The following GREB1 variants were observed in gnomAD, a reference collection of about 807,000 sequenced individuals.
The protein encoded by GREB1 is protein GREB1.
A neutral mutation model predicts 200.7 loss-of-function variants in GREB1; 106 were observed. That is an observed-to-expected ratio of 0.53 (90% confidence interval 0.45 to 0.62). GREB1 has a LOEUF of 0.62. Ranked by LOEUF, GREB1 falls within the 20% of genes least tolerant of loss-of-function variation. The pLI is 0.00. For missense variants in GREB1, 2,243 were observed against 2,556.8 expected (o/e 0.88, Z 2.65); for synonymous variants, 1,132 against 1,092.4 (o/e 1.04, Z -0.72).
chr2:11,503,650 C>T (rs796655754), intron 1 of GREB1, among the ~76,000 whole-genome samples: 15 of 152,298 alleles, frequency 9.8e-5, no homozygotes, highest in African/African-American at 3.6e-4. Flanking sequence ...CTTCTTTCCT[C>T]ACATTTTTGC....
intron 20 of GREB1, among the ~76,000 whole-genome samples, chr2:11,616,316 C>G (rs977964445): frequency 2.6e-5 from 4 of 152,356 alleles, no homozygotes; most frequent in Admixed American, 2.6e-4. Context: ...CCAGATGCCC[C>G]CCTCTTCCAG....
intron 22 of GREB1, among the ~76,000 whole-genome samples, chr2:11,619,810 A>G (rs547328492): frequency 2.6e-5 from 4 of 152,260 alleles, no homozygotes; most frequent in South Asian, 4.2e-4. Context: ...TCCTTTGTCT[A>G]TCATCTGTAT....
At position 11,598,733 on chromosome 2, in the gene GREB1, G is replaced by A. The variant is rs1438311332; in HGVS notation, c.2206G>A (p.Glu736Lys). Reference sequence around the variant, plus strand: ...AGAGCACATGACGAAGCAGAGGGTGGAACAGTATGTTCTGAAGCTAGACAC... The same window carrying A: ...AGAGCACATGACGAAGCAGAGGGTGAAACAGTATGTTCTGAAGCTAGACAC... ...KKEHMTKQRV[E>K]QYVLKLDTEA... The change falls in exon 15 of 33, where the codon GAA becomes AAA. Residue 736 changes from glutamate (E) to lysine (K), a missense_variant. By Grantham distance (56) the Glu-to-Lys change is moderately conservative (BLOSUM62 1). Coordinates refer to ENST00000381486, the MANE Select transcript of GREB1 (RefSeq NM_014668.4). 1 of 1,614,078 alleles carries A rather than the reference G, an allele frequency of 6.2e-7. No individual in the cohort carries two copies. Among genetic ancestry groups the A allele is most frequent in the Non-Finnish European group, 8.5e-7 (1 of 1,180,036 alleles).
rs1017374687 is a variant in GREB1, at chr2:11,502,273, T to G, written c.-159+19892T>G. Among the ~76,000 whole-genome samples, 3 of 148,330 alleles carry G rather than the reference T, an allele frequency of 2.0e-5. No individual in the cohort carries two copies. The Admixed American group carries it at 2.1e-4, about 10-fold the overall frequency. On this transcript the variant is annotated intron_variant, in intron 1 of 2. Transcript: ENST00000628795. ...TCTCAGTCTGTTGCCTAGGCTGGAG[T>G]GCAGTGGTATGGTAACAGCTCACTG... is the stretch of plus-strand genomic sequence containing the variant.
At chr2:11,483,858 T>C (rs146337565) in intron 1 of GREB1, among the ~76,000 whole-genome samples, 112 of 152,314 alleles carry the variant, frequency 7.4e-4, no homozygotes, top group African/African-American at 2.5e-3. Context: ...AAAAAAGAAC[T>C]ACTTACTTTG....
At chr2:11,537,027 A>T (rs900081166) in intron 1 of GREB1, among the ~76,000 whole-genome samples, 1 of 152,092 alleles carries the variant, frequency 6.6e-6, no homozygotes, top group Non-Finnish European at 1.5e-5. Context: ...CAGTGTTGGA[A>T]TTGTGGCTCA....
rs1683028812 is a variant in GREB1 at position 11,612,551 on chromosome 2, G to A, written c.3063G>A (p.Glu1021=). The A allele has an allele frequency of 6.2e-7, 1 of 1,613,054 alleles. No homozygotes were observed. Among genetic ancestry groups the A allele is most frequent in the Admixed American group, 1.7e-5 (1 of 60,010 alleles). The change falls in exon 19 of 33, where the codon GAG becomes GAA. Residue 1021 remains glutamate (E), a synonymous_variant. Transcript: ENST00000381486. ...EWRPQTYLEL[E]GLPCILIFSG... The stretch of plus-strand genomic sequence containing the variant: ...GACCCCAGACTTACTTGGAGCTGGA[G>A]GGTCTGCCTTGCATCCTGATCTTCA...
rs775785574 is a variant in GREB1 at position 11,585,277 on chromosome 2, A to G, written c.1015+3A>G. The G allele has an allele frequency of 6.7e-7, 1 of 1,496,654 alleles. No individual in the cohort carries two copies. Among genetic ancestry groups the G allele is most frequent in the Admixed American group, 2.4e-5 (1 of 42,270 alleles). 92.7% of individuals were successfully genotyped at this position (1,496,654 alleles called of 1,614,324 possible). A position where few individuals can be genotyped will look rare whatever the true frequency, so the allele number is the denominator to read the frequency against. ...TGGTGGGAACAGAGCTAAGTATGGT[A>G]AGTGATGGCAGCCTTGCCCAGAATT... On this transcript the variant is annotated splice_donor_region_variant and intron_variant, in intron 8 of 32. Transcript: ENST00000381486.
At chr2:11,533,227 A>G (rs904810132), upstream of GREB1, among the ~76,000 whole-genome samples, 1 of 152,236 alleles carries the variant, frequency 6.6e-6, no homozygotes, top group Non-Finnish European at 1.5e-5. Flanking sequence ...TGGGATTTCA[A>G]TGCAGGCGAA....
In GREB1 at chr2:11,578,433, T is replaced by C. The variant is rs111281647; in HGVS notation, c.772+2T>C. The C allele has an allele frequency of 6.2e-7, 1 of 1,613,358 alleles. No individual in the cohort carries two copies. The highest frequency in any genetic ancestry group is 8.5e-7 in the Non-Finnish European group (1 of 1,179,934). ...TCCTGATGGGAGCTCAGCAGGCAGG[T>C]GAGGTGGTGGAGACACACCAGAGCT... On this transcript the variant is annotated splice_donor_variant, in intron 6 of 32. Coordinates refer to ENST00000381486, the MANE Select transcript of GREB1 (RefSeq NM_014668.4). LOFTEE classifies it high-confidence loss of function.
chr2:11,484,015 A>G (rs1001075710), intron 1 of GREB1, among the ~76,000 whole-genome samples: 1 of 152,202 alleles, frequency 6.6e-6, no homozygotes, highest in Non-Finnish European at 1.5e-5. Context: ...AAAGCACTTT[A>G]ATTTCTGCAT....
Position 11,492,879 on chromosome 2 carries a change from T to C in GREB1, c.-159+10498T>C, listed in dbSNP as rs1672802002. On this transcript the variant is annotated intron_variant, in intron 1 of 2. Coordinates refer to the GREB1 transcript ENST00000628795. This position sits in a 1 kb window ranked among gnomAD's most constrained non-coding sequence, Gnocchi z 4.0. ...TGCCCTAGGAAAATGGCTCCTTATC[T>C]GCTGGGGGCTGGTCACAGCTGGAGC... 6.6e-6 allele frequency among the ~76,000 whole-genome samples: 1 copy of C among 152,152 alleles called. No homozygotes were observed. Among genetic ancestry groups the C allele is most frequent in the African/African-American group, 2.4e-5 (1 of 41,428 alleles).
At position 11,585,205 on chromosome 2, in the gene GREB1, T is replaced by C. The variant is rs777815509; in HGVS notation, c.946T>C (p.Trp316Arg). Reference protein sequence around the residue: ...SGPPKKRHKGWSPESPSAPDG... With the variant: ...SGPPKKRHKGRSPESPSAPDG... ...GCCCCCCAAAAAACGCCACAAAGGG[T>C]GGTCTCCAGAATCTCCATCAGCTCC... The change falls in exon 8 of 33, where the codon TGG becomes CGG. Residue 316 changes from tryptophan to arginine, a missense_variant. By Grantham distance (101) the Trp-to-Arg change is moderately radical. Coordinates refer to ENST00000381486, the MANE Select transcript of GREB1 (RefSeq NM_014668.4). The C allele has an allele frequency of 2.0e-5, 32 of 1,585,376 alleles. No homozygotes were observed. The highest frequency in any genetic ancestry group is 2.7e-5 in the Non-Finnish European group (31 of 1,168,562).
intron 1 of GREB1, among the ~76,000 whole-genome samples, chr2:11,483,791 G>A (rs554389766): frequency 7.6e-6 from 1 of 131,632 alleles, no homozygotes; most frequent in African/African-American, 2.9e-5. Flanking sequence ...TTCATGCAGA[G>A]GGACTCCGGG....
rs1685509045 is a variant in GREB1, at chr2:11,637,851, C to T, written c.5482C>T (p.Leu1828=). The T allele has an allele frequency of 3.7e-6, 6 of 1,614,230 alleles. No homozygotes were observed. The highest frequency in any genetic ancestry group is 3.3e-4 in the Middle Eastern group (2 of 6,062). ...GCACCACAGCCACCTCTTCTTCCCGCTGTCCCTGAAGAACCATGACCACCC... is the reference window on the plus strand; with the variant it reads ...GCACCACAGCCACCTCTTCTTCCCGTTGTCCCTGAAGAACCATGACCACCC... The part of the protein sequence containing the change: ...LQHHSHLFFP[L]SLKNHDHPVL... The change falls in exon 31 of 33, where the codon CTG becomes TTG. Residue 1828 remains leucine, a synonymous_variant. Coordinates refer to ENST00000381486, the MANE Select transcript of GREB1 (RefSeq NM_014668.4).
rs753570964 is a variant in GREB1 at position 11,539,017 on chromosome 2, C to CCTTCTCTTCTCTTCTCTTCTCTTCT, written c.-162+4792_-162+4816dup. Among the ~76,000 whole-genome samples, 172 of 80,548 alleles carry CCTTCTCTTCTCTTCTCTTCTCTTCT rather than the reference C, an allele frequency of 2.1e-3. 1 individual carries two copies. The highest frequency in any genetic ancestry group is 8.5e-3 in the African/African-American group (154 of 18,110). The allele number at this position is 80,548 out of a possible 152,430, so 52.8% of individuals were successfully genotyped here. On this transcript the variant is annotated intron_variant, in intron 1 of 32. Transcript: ENST00000381486. ...TTCTCCTCCTTTCTCCCTTCTCCTC[C>CCTTCTCTTCTCTTCTCTTCTCTTCT]CTTCTCTTCTCTTCTCTTCTCTTCT...
intron 4 of GREB1, 108 bp downstream of exon 4, chr2:11,566,764 C>A: frequency 3.1e-6 from 3 of 965,114 alleles, no homozygotes; most frequent in East Asian, 2.5e-5. Flanking sequence ...TCTTTGGGAC[C>A]CCAGGCGCAG....
chr2:11,633,052 G>C lies in GREB1; in HGVS notation c.4980G>C (p.Gly1660=). The change falls in exon 28 of 33, where the codon GGG becomes GGC. Residue 1660 remains glycine (G), a synonymous_variant. Transcript: ENST00000381486. The surrounding 1 kb of genome is among the most constrained non-coding windows in gnomAD (Gnocchi z 4.1). ...MWNVVDVNSA[G]ERSREFSWSE... is the part of the protein sequence containing the mutation. ...ACGTGGTGGATGTCAACTCTGCTGG[G>C]GAGAGAAGCAGGTGAGGTAACCTGA... 1 of 1,614,102 alleles carries C rather than the reference G, an allele frequency of 6.2e-7. No homozygotes were observed. The highest frequency in any genetic ancestry group is 8.5e-7 in the Non-Finnish European group (1 of 1,180,006).
At chr2:11,625,071 A>G (rs1684330895) in intron 23 of GREB1, 83 bp from the exon 24 acceptor site, 1 of 1,101,198 alleles carries the variant, frequency 9.1e-7, no homozygotes, top group Non-Finnish European at 1.4e-6. Context: ...CTCAGAACGT[A>G]TTCTGTGTTG....
Sources: allele counts gnomAD v4.1 joint callset (sites outside exome capture counted in the v4.1 genomes callset), GRCh38; gene constraint gnomAD v4.1.1; non-coding constraint Gnocchi (gnomAD v3.1); transcripts MANE v1.5; gene names NCBI Gene and HGNC (gene_info 2026-07-23, HGNC 2026-07-21).